The following GRB2 variants were observed in gnomAD, a reference collection of about 807,000 sequenced individuals.
The protein encoded by GRB2 is growth factor receptor-bound protein 2.
Under a neutral mutation model 27.4 loss-of-function variants are expected in GRB2, and 2 were observed. The observed-to-expected ratio is 0.07, with a 90% CI of 0.03 to 0.23. The LOEUF (loss-of-function observed/expected upper bound fraction) is 0.23. Ranked by LOEUF, GRB2 falls within the 10% of genes least tolerant of loss-of-function variation. The pLI, the probability that GRB2 is intolerant of heterozygous loss-of-function variation, is 1.00. For synonymous variants in GRB2, 94 were observed against 99.6 expected (o/e 0.94, Z 0.33); for missense variants, 102 against 282.4 (o/e 0.36, Z 4.58).
At position 75,320,288 on chromosome 17, in the gene GRB2, G is replaced by A; in HGVS notation, c.*80C>T. On this transcript the variant is annotated 3_prime_UTR_variant, in exon 6 of 6. Coordinates refer to ENST00000316804, the MANE Select transcript of GRB2 (RefSeq NM_002086.5). This position sits in a 1 kb window ranked among gnomAD's most constrained non-coding sequence, Gnocchi z 4.3. Reference sequence around the variant, plus strand: ...GTTCTGCACTCCCTCACAGGCTGCTGTCAGAGGCAGCTTGTGGGTTTAATT... The same window carrying A: ...GTTCTGCACTCCCTCACAGGCTGCTATCAGAGGCAGCTTGTGGGTTTAATT... 1 of 1,254,572 alleles carries A rather than the reference G, an allele frequency of 8.0e-7. No individual in the cohort carries two copies. Among genetic ancestry groups the A allele is most frequent in the Non-Finnish European group, 1.2e-6 (1 of 862,164 alleles). The allele number at this position is 1,254,572 out of a possible 1,614,324, so 77.7% of individuals were successfully genotyped here.
intron 1 of GRB2, among the ~76,000 whole-genome samples, chr17:75,398,325 G>A (rs561344855): frequency 6.6e-6 from 1 of 152,310 alleles, no homozygotes; most frequent in South Asian, 2.1e-4. Flanking sequence ...CTGGAGGGCA[G>A]TGGCGTGATC....
At chr17:75,400,181 C>T (rs901112976) in intron 1 of GRB2, among the ~76,000 whole-genome samples, 13 of 151,624 alleles carry the variant, frequency 8.6e-5, no homozygotes, top group African/African-American at 3.2e-4. Flanking sequence ...TAAATACATA[C>T]TCCTTTTTTT....
intron 2 of GRB2, among the ~76,000 whole-genome samples, chr17:75,352,981 C>T (rs192841532): frequency 6.6e-6 from 1 of 150,708 alleles, no homozygotes; most frequent in Admixed American, 6.6e-5. Flanking sequence ...GTCAGGAGAT[C>T]GAGACCATCC....
chr17:75,385,029 C>CAAA lies in GRB2; in HGVS notation c.78+8519_78+8521dup, dbSNP rs58860615. Among the ~76,000 whole-genome samples, 53 of 55,324 alleles carry CAAA rather than the reference C, an allele frequency of 9.6e-4. 4 individuals carry two copies. The highest frequency in any genetic ancestry group is 4.4e-3 in the African/African-American group (47 of 10,630). 36.3% of individuals were successfully genotyped at this position (55,324 alleles called of 152,430 possible). ...CAACAGTGAGACCTCCTGGCTCTACCAAAAAAAAAAAAAAAAAAAAAAAAA... is the reference window on the plus strand; with the variant it reads ...CAACAGTGAGACCTCCTGGCTCTACCAAAAAAAAAAAAAAAAAAAAAAAAAAAA... On this transcript the variant is annotated intron_variant, in intron 2 of 5. Transcript: ENST00000316804.
Position 75,319,819 on chromosome 17 carries a change from T to G in GRB2, c.*549A>C, listed in dbSNP as rs2078445591. 6.5e-6 allele frequency: 1 copy of G among 152,714 alleles called. No homozygotes were observed. Among genetic ancestry groups the G allele is most frequent in the Non-Finnish European group, 1.5e-5 (1 of 68,508 alleles). The allele number at this position is 152,714 out of a possible 1,614,324, so 9.5% of individuals were successfully genotyped here. On this transcript the variant is annotated 3_prime_UTR_variant, in exon 6 of 6. Transcript: ENST00000316804. Reference sequence around the variant, plus strand: ...TACTCTACTGTGAACTTGGACAAAATACACTGGGGGTCTGGGCTGGAAGGC... The same window carrying G: ...TACTCTACTGTGAACTTGGACAAAAGACACTGGGGGTCTGGGCTGGAAGGC...
chr17:75,329,013 C>G (rs1231436556), intron 3 of GRB2, among the ~76,000 whole-genome samples: 1 of 151,882 alleles, frequency 6.6e-6, no homozygotes, highest in Non-Finnish European at 1.5e-5. Context: ...AATCGGGGGG[C>G]CCCAATCAAC....
At chr17:75,354,310 A>C (rs867714176) in intron 2 of GRB2, among the ~76,000 whole-genome samples, 85 of 145,914 alleles carry the variant, frequency 5.8e-4, no homozygotes, top group South Asian at 1.3e-3. Flanking sequence ...CCCAGGCTGC[A>C]GTGCAATGGT....
intron 2 of GRB2, among the ~76,000 whole-genome samples, chr17:75,364,029 C>A (rs1469781260): frequency 6.6e-6 from 1 of 152,102 alleles, no homozygotes; most frequent in Non-Finnish European, 1.5e-5. Flanking sequence ...TCTCTGCAGC[C>A]TAAACCAGCA....
At chr17:75,382,348 A>G (rs2078934526) in intron 2 of GRB2, among the ~76,000 whole-genome samples, 1 of 152,230 alleles carries the variant, frequency 6.6e-6, no homozygotes. Context: ...GAAGAAAAAA[A>G]CTTTCACTAT....
At chr17:75,353,483 C>T (rs998574204) in intron 2 of GRB2, among the ~76,000 whole-genome samples, 19 of 151,866 alleles carry the variant, frequency 1.3e-4, no homozygotes, top group Admixed American at 3.9e-4. Flanking sequence ...ACCATTTTTA[C>T]CGGGCGCGGT....
intron 4 of GRB2, among the ~76,000 whole-genome samples, chr17:75,322,191 G>A (rs2078464797): frequency 6.6e-6 from 1 of 152,112 alleles, no homozygotes; most frequent in South Asian, 2.1e-4. Context: ...TGGCCAACAT[G>A]GAGAAATCCC....
At chr17:75,343,900 T>C (rs1174748697) in intron 2 of GRB2, among the ~76,000 whole-genome samples, 1 of 152,140 alleles carries the variant, frequency 6.6e-6, no homozygotes, top group Non-Finnish European at 1.5e-5. Context: ...GAAAAATCTG[T>C]GTATTTGAAA....
chr17:75,330,158 C>T (rs1232209415), intron 3 of GRB2, among the ~76,000 whole-genome samples: 3 of 150,874 alleles, frequency 2.0e-5, no homozygotes, highest in African/African-American at 4.9e-5. Context: ...CCGAGGCGGG[C>T]GGATCAGGAG....
chr17:75,403,885 G>T (rs1220217095), intron 1 of GRB2, among the ~76,000 whole-genome samples: 1 of 152,198 alleles, frequency 6.6e-6, no homozygotes, highest in South Asian at 2.1e-4. Context: ...AGGCCAAGGC[G>T]GGTGGATTAC....
intron 2 of GRB2, among the ~76,000 whole-genome samples, chr17:75,365,117 T>C (rs954135956): frequency 6.6e-6 from 1 of 152,106 alleles, no homozygotes; most frequent in African/African-American, 2.4e-5. Context: ...TAGTATCAAA[T>C]GATTGCTATA....
At chr17:75,338,840 C>T in intron 2 of GRB2, 1 of 766,878 alleles carries the variant, frequency 1.3e-6, no homozygotes, top group Non-Finnish European at 2.4e-6. Context: ...GTCAACTTTC[C>T]TAAAATTCAC....
intron 2 of GRB2, among the ~76,000 whole-genome samples, chr17:75,348,904 G>A (rs1445067988): frequency 6.6e-6 from 1 of 152,158 alleles, no homozygotes; most frequent in African/African-American, 2.4e-5. Context: ...TCGAACTCCT[G>A]AGTTCAAGCA....
intron 3 of GRB2, among the ~76,000 whole-genome samples, chr17:75,330,012 T>A (rs1008838966): frequency 6.6e-6 from 1 of 152,166 alleles, no homozygotes; most frequent in Non-Finnish European, 1.5e-5. Context: ...CTTGCTTTGT[T>A]GAATAGGCTG....
chr17:75,389,499 C>A (rs138871203), intron 2 of GRB2, among the ~76,000 whole-genome samples: 1 of 152,156 alleles, frequency 6.6e-6, no homozygotes, highest in South Asian at 2.1e-4. Flanking sequence ...ATCATTTAAC[C>A]TATATGGGCC....
Sources: gnomAD v4.1 joint callset for allele counts (sites outside exome capture counted in the v4.1 genomes callset) on GRCh38, gnomAD v4.1.1 for gene constraint, Gnocchi (gnomAD v3.1) non-coding constraint, MANE v1.5 for transcripts, NCBI Gene and HGNC (gene_info 2026-07-23, HGNC 2026-07-21) for gene names.